AGFG2: variants seen among roughly 807,000 people sequenced by gnomAD.
AGFG2 encodes ArfGAP with FG repeats 2.
Under a neutral mutation model 48.0 loss-of-function variants are expected in AGFG2, and 31 were observed. That is an observed-to-expected ratio of 0.65 (90% CI 0.49 to 0.87). The LOEUF (loss-of-function observed/expected upper bound fraction) is 0.87, where lower values mean the gene tolerates loss of function less well. AGFG2 is among the 40% of genes least tolerant of loss of function. The pLI is 0.00. For synonymous variants in AGFG2, 229 were observed against 260.8 expected (o/e 0.88, Z 1.18); for missense variants, 599 against 632.6 (o/e 0.95, Z 0.57).
chr7:100,541,766 CAAA>C (rs11285690), intron 1 of AGFG2, among the ~76,000 whole-genome samples: 6 of 65,500 alleles, frequency 9.2e-5, no homozygotes, highest in Non-Finnish European at 1.3e-4. Flanking sequence ...CTCTGTCTCA[CAAA>C]AAAAAAAAAA....
In AGFG2 at chr7:100,548,818, A is replaced by G. The variant is rs114675844; in HGVS notation, c.222-4A>G. 2,366 of 1,609,162 alleles carry G rather than the reference A, an allele frequency of 1.5e-3. 28 individuals are homozygous for G. In the African/African-American group the frequency reaches 0.025, roughly 17 times the overall value. ...TTCTCTTTCTTCCTGTTTCTCTCCC[A>G]TAGGAGAGGGCTGAACCCCCCTCAT... is the stretch of plus-strand genomic sequence containing the variant. On this transcript the variant is annotated splice_polypyrimidine_tract_variant and splice_region_variant and intron_variant, in intron 1 of 11. Coordinates refer to ENST00000300176, the MANE Select transcript of AGFG2 (RefSeq NM_006076.5).
Position 100,561,736 on chromosome 7 carries a change from C to T in AGFG2, c.878-523C>T, listed in dbSNP as rs368471447. Among the ~76,000 whole-genome samples the T allele has an allele frequency of 4.3e-4, 65 of 152,360 alleles. No individual in the cohort carries two copies. The East Asian group carries it at 4.4e-3, about 10-fold the overall frequency. ...ATGAACAGTGCCTCCAGGCTCAGGG[C>T]ACTGGGGCGGCCTCCCGAGAAGCAG... On this transcript the variant is annotated intron_variant, in intron 6 of 11. Transcript: ENST00000300176.
chr7:100,553,667 A>C (rs533164317), intron 4 of AGFG2, among the ~76,000 whole-genome samples, 167 bp downstream of exon 4: 2 of 152,284 alleles, frequency 1.3e-5, no homozygotes, highest in South Asian at 2.1e-4. Context: ...TCTGGACCTC[A>C]TATCTTTTGG....
rs2131116157 is a variant in AGFG2, at chr7:100,555,749, C to T, written c.877+14C>T. 6.2e-7 allele frequency: 1 copy of T among 1,613,102 alleles called. No homozygotes were observed. The highest frequency in any genetic ancestry group is 8.5e-7 in the Non-Finnish European group (1 of 1,179,466). ...CAACTCCTGCAGGTAAACTCTGCCC[C>T]ACTGGCTTCCTTTCTCTTCCAACCG... On this transcript the variant is annotated intron_variant, in intron 6 of 11. Transcript: ENST00000300176.
chr7:100,547,828 A>G (rs1015446486), intron 1 of AGFG2, among the ~76,000 whole-genome samples: 2 of 152,186 alleles, frequency 1.3e-5, no homozygotes, highest in African/African-American at 4.8e-5. Flanking sequence ...ATTGAGAGAT[A>G]CAGAAATAAG....
At position 100,562,294 on chromosome 7, in the gene AGFG2, C is replaced by G. The variant is rs1222330525; in HGVS notation, c.913C>G (p.Leu305Val). 1.2e-6 allele frequency: 2 copies of G among 1,614,010 alleles called. No homozygotes were observed. The highest frequency in any genetic ancestry group is 4.5e-5 in the East Asian group (2 of 44,864). ...GGGGACTCCATTTGGTGCCACTCCCCTGGCACCCGCCAGTCAGCCAAACAG... is the reference window on the plus strand; with the variant it reads ...GGGGACTCCATTTGGTGCCACTCCCGTGGCACCCGCCAGTCAGCCAAACAG... ...SQGTPFGATP[L>V]APASQPNSLA... The change falls in exon 7 of 12, where the codon CTG (leucine) becomes GTG (valine). Residue 305 changes from leucine (L) to valine (V), a missense_variant. Coordinates refer to ENST00000300176, the MANE Select transcript of AGFG2 (RefSeq NM_006076.5). The surrounding 1 kb of genome is among the most constrained non-coding windows in gnomAD (Gnocchi z 5.4).
chr7:100,547,829 C>A (rs1397051942), intron 1 of AGFG2, among the ~76,000 whole-genome samples: 1 of 152,194 alleles, frequency 6.6e-6, no homozygotes, highest in Non-Finnish European at 1.5e-5. Context: ...TTGAGAGATA[C>A]AGAAATAAGA....
chr7:100,550,091 G>A (rs936094596), intron 2 of AGFG2, among the ~76,000 whole-genome samples: 3 of 152,132 alleles, frequency 2.0e-5, no homozygotes, highest in Non-Finnish European at 2.9e-5. Context: ...GGCAGATAAC[G>A]AGGTCAAGAG....
At chr7:100,561,766 T>C (rs762644528) in intron 6 of AGFG2, among the ~76,000 whole-genome samples, 6 of 151,996 alleles carry the variant, frequency 3.9e-5, no homozygotes, top group Non-Finnish European at 8.8e-5. Context: ...AAGCAGCGGC[T>C]AAATGGGGAA....
In AGFG2 at chr7:100,564,981, C is replaced by A. The variant is rs1800973054; in HGVS notation, c.1436C>A (p.Pro479His). ...GCCTCCAAACCTCCAACCACCAACCCCTTCTTGTAGCACTGTGTTTTTGGG... is the reference window on the plus strand; with the variant it reads ...GCCTCCAAACCTCCAACCACCAACCACTTCTTGTAGCACTGTGTTTTTGGG... ...PFASKPPTTN[P>H]FL The change falls in exon 12 of 12, where the codon CCC (proline) becomes CAC (histidine). Residue 479 changes from proline to histidine, a missense_variant. Physicochemically the swap from Pro to His is moderately conservative, Grantham distance 77. Transcript: ENST00000300176. 6.2e-7 allele frequency: 1 copy of A among 1,614,082 alleles called. No homozygotes were observed.
chr7:100,556,709 T>C (rs1316965508), intron 6 of AGFG2: 1 of 1,188,610 alleles, frequency 8.4e-7, no homozygotes, highest in Non-Finnish European at 1.1e-6. Flanking sequence ...CCTTAAAATT[T>C]GGCCATTTGA....
intron 2 of AGFG2, among the ~76,000 whole-genome samples, chr7:100,550,033 G>A (rs941702742): frequency 3.3e-5 from 5 of 152,190 alleles, no homozygotes; most frequent in African/African-American, 9.7e-5. Context: ...TGGTGGCTGG[G>A]CGCGGTGGCT....
chr7:100,555,953 A>G (rs996752178), intron 6 of AGFG2: 40 of 541,188 alleles, frequency 7.4e-5, no homozygotes, highest in Non-Finnish European at 1.0e-4. Flanking sequence ...AATGACTAAG[A>G]TTGCAGCAGG....
At chr7:100,551,066 A>ATATATATT (rs1562791920) in intron 3 of AGFG2, among the ~76,000 whole-genome samples, 4 of 69,712 alleles carry the variant, frequency 5.7e-5, no homozygotes, top group Non-Finnish European at 1.1e-4. Flanking sequence ...ATATATATAT[A>ATATATATT]TTTCTTTTTT....
chr7:100,540,789 A>C (rs1800408235), intron 1 of AGFG2, among the ~76,000 whole-genome samples: 1 of 152,088 alleles, frequency 6.6e-6, no homozygotes. Flanking sequence ...CGAGGCAGGC[A>C]GATCATGAGG....
At position 100,565,690 on chromosome 7, in the gene AGFG2, A is replaced by T. The variant is rs894300952; in HGVS notation, c.*699A>T. On this transcript the variant is annotated 3_prime_UTR_variant, in exon 12 of 12. Transcript: ENST00000300176. ...TAAATAGATCTATCTATATGCACAT[A>T]CATACATATATACACACACCCAGCC... 5.9e-5 allele frequency: 9 copies of T among 152,746 alleles called. No individual in the cohort carries two copies. The highest frequency in any genetic ancestry group is 1.7e-4 in the African/African-American group (7 of 41,452). 9.5% of individuals were successfully genotyped at this position (152,746 alleles called of 1,614,324 possible). A position where few individuals can be genotyped will look rare whatever the true frequency, so the allele number is the denominator to read the frequency against.
Position 100,562,245 on chromosome 7 carries a change from C to G in AGFG2, c.878-14C>G. The G allele has an allele frequency of 6.2e-7, 1 of 1,612,248 alleles. No homozygotes were observed. Among genetic ancestry groups the G allele is most frequent in the African/African-American group, 1.3e-5 (1 of 75,004 alleles). On this transcript the variant is annotated splice_polypyrimidine_tract_variant and intron_variant, in intron 6 of 11. Transcript: ENST00000300176. The surrounding 1 kb of genome is among the most constrained non-coding windows in gnomAD (Gnocchi z 5.4). Reference sequence around the variant, plus strand: ...ACCTCAGCTCTCCCTGTTGTATTTTCCACAACTGCCCAGGGAGCAGCCAGG... The same window carrying G: ...ACCTCAGCTCTCCCTGTTGTATTTTGCACAACTGCCCAGGGAGCAGCCAGG...
chr7:100,564,267 G>A lies in AGFG2; in HGVS notation c.1350G>A (p.Leu450=), dbSNP rs779448665. ...LGSAKLGQRP[L]SQPAGISTNP... ...CAGCCAAGTTGGGGCAGAGGCCACT[G>A]AGCCAGCCAGCTGGGATCTCCACCA... Residue 450 remains leucine, a synonymous_variant, in exon 11 of 12, where the codon CTG becomes CTA. Coordinates refer to ENST00000300176, the MANE Select transcript of AGFG2 (RefSeq NM_006076.5). 1.2e-6 allele frequency: 2 copies of A among 1,613,898 alleles called. No homozygotes were observed. Among genetic ancestry groups the A allele is most frequent in the South Asian group, 2.2e-5 (2 of 90,968 alleles).
At chr7:100,557,879 T>C (rs1800788259) in intron 6 of AGFG2, among the ~76,000 whole-genome samples, 1 of 152,022 alleles carries the variant, frequency 6.6e-6, no homozygotes, top group Non-Finnish European at 1.5e-5. Flanking sequence ...GAAAATATAA[T>C]AATGGACAAG....
Sources: allele counts gnomAD v4.1 joint callset (sites outside exome capture counted in the v4.1 genomes callset), GRCh38; gene constraint gnomAD v4.1.1; non-coding constraint Gnocchi (gnomAD v3.1); transcripts MANE v1.5; gene names NCBI Gene and HGNC (gene_info 2026-07-23, HGNC 2026-07-21).